SGCZ: variants seen among roughly 807,000 people sequenced by gnomAD.
SGCZ encodes the protein sarcoglycan zeta.
SGCZ carries 40 observed loss-of-function variants against 41.3 expected under a neutral mutation model. That is an observed-to-expected ratio of 0.97 (90% confidence interval 0.75 to 1.26). The LOEUF is 1.26. Ranked by LOEUF, SGCZ falls within the 50% of genes most tolerant of loss-of-function variation. The pLI, the probability that SGCZ is intolerant of heterozygous loss-of-function variation, is 0.00. For synonymous variants in SGCZ, 206 were observed against 137.5 expected (o/e 1.50, Z -3.49); for missense variants, 552 against 369.8 (o/e 1.49, Z -4.04).
chr8:14,933,260 G>A (rs1212952713), intron 1 of SGCZ, among the ~76,000 whole-genome samples: 1 of 151,742 alleles, frequency 6.6e-6, no homozygotes, highest in Non-Finnish European at 1.5e-5. Context: ...AAGAATATCT[G>A]CCAAAACCTA....
intron 1 of SGCZ, among the ~76,000 whole-genome samples, chr8:14,702,614 T>C (rs1207250704): frequency 6.6e-6 from 1 of 151,898 alleles, no homozygotes; most frequent in African/African-American, 2.4e-5. Flanking sequence ...TTCAGTGTTC[T>C]GCATCTTAAT....
chr8:14,767,058 T>C (rs1296868341), intron 1 of SGCZ, among the ~76,000 whole-genome samples: 1 of 129,286 alleles, frequency 7.7e-6, no homozygotes, highest in East Asian at 2.6e-4. Flanking sequence ...AATTTTATCA[T>C]CTGGTGTTTT....
intron 1 of SGCZ, among the ~76,000 whole-genome samples, chr8:14,646,497 C>A (rs554796068): frequency 6.6e-6 from 1 of 151,948 alleles, no homozygotes; most frequent in Admixed American, 6.6e-5. Context: ...TTTTCCTTCT[C>A]ATGAATAGCG....
intron 2 of SGCZ, among the ~76,000 whole-genome samples, chr8:14,427,030 AAATGAATGAATGAATG>A (rs3068589): frequency 6.2e-5 from 9 of 145,404 alleles, no homozygotes; most frequent in South Asian, 4.3e-4. Context: ...CAGTAACATT[AAATGAATGAATGAATG>A]AATGAATGAA....
chr8:14,786,310 C>A (rs1800765765), intron 1 of SGCZ, among the ~76,000 whole-genome samples: 1 of 151,970 alleles, frequency 6.6e-6, no homozygotes, highest in Admixed American at 6.6e-5. Context: ...CATTGAAAGA[C>A]AAATACATAA....
chr8:14,840,940 A>T (rs1002183887), intron 1 of SGCZ, among the ~76,000 whole-genome samples: 8 of 152,246 alleles, frequency 5.3e-5, no homozygotes, highest in Middle Eastern at 3.4e-3. Context: ...AGCTTATTAC[A>T]TCAAAGATGT....
chr8:14,954,000 G>C (rs1347231068), intron 1 of SGCZ, among the ~76,000 whole-genome samples: 1 of 152,028 alleles, frequency 6.6e-6, no homozygotes, highest in African/African-American at 2.4e-5. Flanking sequence ...CACAGTTTAA[G>C]GAAATTTATA....
chr8:14,326,450 A>G (rs1802121135), intron 2 of SGCZ, among the ~76,000 whole-genome samples: 1 of 152,174 alleles, frequency 6.6e-6, no homozygotes, highest in South Asian at 2.1e-4. Flanking sequence ...GGACTCTTTA[A>G]ATTTTTTAAA....
At chr8:15,175,750 C>G (rs1272223859) in intron 1 of SGCZ, among the ~76,000 whole-genome samples, 1 of 151,922 alleles carries the variant, frequency 6.6e-6, no homozygotes, top group African/African-American at 2.4e-5. Flanking sequence ...AATTTAGATG[C>G]AACTTCAAGA....
At chr8:14,177,357 C>G (rs1160076351) in intron 4 of SGCZ, among the ~76,000 whole-genome samples, 1 of 152,176 alleles carries the variant, frequency 6.6e-6, no homozygotes, top group Non-Finnish European at 1.5e-5. Context: ...TTCTAGAACT[C>G]CAGATTGTTA....
At chr8:14,808,020 C>G (rs1046363613) in intron 1 of SGCZ, among the ~76,000 whole-genome samples, 1 of 151,786 alleles carries the variant, frequency 6.6e-6, no homozygotes, top group Non-Finnish European at 1.5e-5. Context: ...GGAAAACTGG[C>G]TAGCCATATG....
intron 3 of SGCZ, among the ~76,000 whole-genome samples, chr8:14,306,828 C>T (rs1801367382): frequency 6.6e-6 from 1 of 152,078 alleles, no homozygotes; most frequent in Admixed American, 6.6e-5. Flanking sequence ...AGAATGGATG[C>T]AAAAGTAAAA....
intron 1 of SGCZ, among the ~76,000 whole-genome samples, chr8:14,849,586 A>G (rs1477486100): frequency 1.3e-5 from 2 of 152,164 alleles, no homozygotes; most frequent in East Asian, 1.9e-4. Flanking sequence ...ACTGAAGAAA[A>G]TGCAAACTAA....
intron 1 of SGCZ, among the ~76,000 whole-genome samples, chr8:15,054,840 T>C (rs1032965399): frequency 6.6e-6 from 1 of 151,388 alleles, no homozygotes; most frequent in African/African-American, 2.4e-5. Flanking sequence ...CGGGCACCTG[T>C]AGCCCCAGCT....
At chr8:14,898,880 G>A (rs1320928127) in intron 1 of SGCZ, among the ~76,000 whole-genome samples, 2 of 152,172 alleles carry the variant, frequency 1.3e-5, no homozygotes, top group Non-Finnish European at 2.9e-5. Context: ...GAATAACTGA[G>A]CTGGGGTTTA....
intron 3 of SGCZ, among the ~76,000 whole-genome samples, chr8:14,279,726 C>T (rs919795844): frequency 2.6e-5 from 4 of 151,920 alleles, no homozygotes; most frequent in African/African-American, 9.7e-5. Flanking sequence ...AAGCAAATTC[C>T]AGCCTCTAAA....
intron 1 of SGCZ, among the ~76,000 whole-genome samples, chr8:14,569,192 C>T (rs1454681937): frequency 6.6e-6 from 1 of 152,120 alleles, no homozygotes. Flanking sequence ...GCTATTTAGT[C>T]ATTATGGTTT....
At chr8:15,197,168 T>C (rs1274418817) in intron 1 of SGCZ, among the ~76,000 whole-genome samples, 1 of 152,218 alleles carries the variant, frequency 6.6e-6, no homozygotes. Context: ...GCTACATTGT[T>C]CAATCTGCCA....
At chr8:15,065,109 ACTTCCTGC>A (rs1057458654) in intron 1 of SGCZ, among the ~76,000 whole-genome samples, 1 of 152,002 alleles carries the variant, frequency 6.6e-6, no homozygotes, top group Non-Finnish European at 1.5e-5. Flanking sequence ...CCTTGGTCTC[ACTTCCTGC>A]CTTCCTGCAT....
Sources: allele counts gnomAD v4.1 joint callset (sites outside exome capture counted in the v4.1 genomes callset), GRCh38; gene constraint gnomAD v4.1.1; transcripts MANE v1.5; gene names NCBI Gene and HGNC (gene_info 2026-07-23, HGNC 2026-07-21).